Variants in CD244 observed in about 807,000 individuals in gnomAD.
The protein encoded by CD244 is CD244 molecule, also known as natural killer cell receptor 2B4.
Under a neutral mutation model 45.5 loss-of-function variants are expected in CD244, and 20 were observed. The observed-to-expected ratio is 0.44, with a 90% CI of 0.31 to 0.64. The LOEUF (loss-of-function observed/expected upper bound fraction) is 0.64. CD244 is among the 30% of genes least tolerant of loss of function. The pLI, the probability that CD244 is intolerant of heterozygous loss-of-function variation, is 0.08. For synonymous variants in CD244, 185 were observed against 160.5 expected, an observed-to-expected ratio of 1.15 and a Z score of -1.15; for missense variants, 407 against 426.9, an observed-to-expected ratio of 0.95 and a Z score of 0.41.
At chr1:160,851,644 T>A (rs1348941166) in intron 1 of CD244, among the ~76,000 whole-genome samples, 1 of 152,230 alleles carries the variant, frequency 6.6e-6, no homozygotes, top group Non-Finnish European at 1.5e-5. Context: ...AAATGTTTCC[T>A]TTTTTATTTT....
At chr1:160,852,795 G>C (rs1420472386) in intron 1 of CD244, among the ~76,000 whole-genome samples, 1 of 151,994 alleles carries the variant, frequency 6.6e-6, no homozygotes, top group African/African-American at 2.4e-5. Context: ...GGTCGAGGCA[G>C]GCGGATCACC....
At chr1:160,835,663 A>G (rs1669307708) in intron 6 of CD244, among the ~76,000 whole-genome samples, 1 of 152,210 alleles carries the variant, frequency 6.6e-6, no homozygotes, top group Admixed American at 6.5e-5. Flanking sequence ...CTGACTCATG[A>G]CACCAAATGC....
At chr1:160,860,567 T>A (rs1269807397) in intron 1 of CD244, among the ~76,000 whole-genome samples, 1 of 152,220 alleles carries the variant, frequency 6.6e-6, no homozygotes, top group Non-Finnish European at 1.5e-5. Flanking sequence ...AACATGAGAA[T>A]GTCTTTGTTC....
chr1:160,858,662 A>G (rs184278935), intron 1 of CD244, among the ~76,000 whole-genome samples: 182 of 152,314 alleles, frequency 1.2e-3, no homozygotes, highest in African/African-American at 4.3e-3. Flanking sequence ...CTCAACAAAC[A>G]TGTTTTGAAC....
chr1:160,856,331 C>T (rs1354764519), intron 1 of CD244, among the ~76,000 whole-genome samples: 1 of 152,162 alleles, frequency 6.6e-6, no homozygotes, highest in Non-Finnish European at 1.5e-5. Flanking sequence ...TCACCTAGCC[C>T]AAGTCCCACT....
At chr1:160,851,641 TC>T (rs2101887718) in intron 1 of CD244, among the ~76,000 whole-genome samples, 1 of 152,304 alleles carries the variant, frequency 6.6e-6, no homozygotes, top group Non-Finnish European at 1.5e-5. Context: ...GACAAATGTT[TC>T]CTTTTTTATT....
At chr1:160,836,138 G>T in intron 6 of CD244, 57 bp downstream of exon 6, 1 of 1,269,170 alleles carries the variant, frequency 7.9e-7, no homozygotes, top group African/African-American at 1.5e-5. Flanking sequence ...GTTTCAGGGG[G>T]GCATTAGGAA....
chr1:160,840,550 G>C (rs563238966), intron 3 of CD244, among the ~76,000 whole-genome samples: 1 of 152,274 alleles, frequency 6.6e-6, no homozygotes, highest in Admixed American at 6.5e-5. Context: ...GAGCCACTGC[G>C]CCCGGCCTGC....
intron 3 of CD244, among the ~76,000 whole-genome samples, chr1:160,840,844 T>C (rs1571096836): frequency 6.6e-6 from 1 of 152,208 alleles, no homozygotes; most frequent in East Asian, 1.9e-4. Flanking sequence ...TCTTGAACTA[T>C]GTGGCTTGGA....
rs1669410682 is a variant in CD244 at position 160,838,483 on chromosome 1, C to A, written c.802G>T (p.Asp268Tyr). 6.2e-7 allele frequency: 1 copy of A among 1,613,690 alleles called. No homozygotes were observed. The highest frequency in any genetic ancestry group is 1.7e-5 in the Admixed American group (1 of 60,000). Reference protein sequence around the residue: ...SPKEFLTIYEDVKDLKTRRNH... With the variant: ...SPKEFLTIYEYVKDLKTRRNH... Reference sequence around the variant, plus strand: ...CTCCTGGTTTTCAGATCCTTGACATCTTCGTAAATTGTCAAAAATTCCTTG... The same window carrying A: ...CTCCTGGTTTTCAGATCCTTGACATATTCGTAAATTGTCAAAAATTCCTTG... The change falls in exon 5 of 9, where the codon GAT becomes TAT. Residue 268 changes from aspartate to tyrosine, a missense_variant. Coordinates refer to ENST00000368034, the MANE Select transcript of CD244 (RefSeq NM_016382.4).
At chr1:160,857,112 C>T (rs1478276961) in intron 1 of CD244, among the ~76,000 whole-genome samples, 1 of 152,198 alleles carries the variant, frequency 6.6e-6, no homozygotes, top group Non-Finnish European at 1.5e-5. Flanking sequence ...AGCTGTAATT[C>T]CCTTGCCTTT....
intron 3 of CD244, among the ~76,000 whole-genome samples, chr1:160,839,787 G>A (rs1264005488): frequency 6.6e-6 from 1 of 152,154 alleles, no homozygotes; most frequent in Non-Finnish European, 1.5e-5. Flanking sequence ...CACAACAAAT[G>A]TTACATTTAT....
chr1:160,838,253 T>C (rs1669400424), intron 5 of CD244, among the ~76,000 whole-genome samples, 198 bp downstream of exon 5: 1 of 152,208 alleles, frequency 6.6e-6, no homozygotes, highest in Admixed American at 6.5e-5. Context: ...TTTCATCTCC[T>C]CTGCTCCTTT....
At chr1:160,850,911 G>A (rs1165552619) in intron 1 of CD244, among the ~76,000 whole-genome samples, 8 of 152,166 alleles carry the variant, frequency 5.3e-5, no homozygotes, top group Admixed American at 5.2e-4. Flanking sequence ...GCTATAAACT[G>A]GGTTTCCCGT....
chr1:160,848,438 C>A, intron 1 of CD244: 1 of 549,652 alleles, frequency 1.8e-6, no homozygotes, highest in East Asian at 4.8e-5. Flanking sequence ...CAGCATGGAG[C>A]CCTTTGGGTC....
chr1:160,856,940 C>A (rs756511999), intron 1 of CD244, among the ~76,000 whole-genome samples: 1 of 152,128 alleles, frequency 6.6e-6, no homozygotes, highest in Non-Finnish European at 1.5e-5. Context: ...AACTAATATG[C>A]AGAATAGACA....
intron 6 of CD244, among the ~76,000 whole-genome samples, chr1:160,835,890 G>C (rs1669315190): frequency 1.3e-5 from 2 of 152,174 alleles, no homozygotes; most frequent in African/African-American, 4.8e-5. Context: ...GCAGCAGCAG[G>C]GCAAGAAAGC....
intron 7 of CD244, 54 bp from the exon 8 acceptor site, chr1:160,832,629 T>A (rs1669166865): frequency 1.2e-6 from 2 of 1,606,018 alleles, no homozygotes; most frequent in Non-Finnish European, 8.5e-7. Context: ...GCTCTCCCAC[T>A]CCTAAGTGAT....
chr1:160,835,697 G>T (rs1339413082), intron 6 of CD244, among the ~76,000 whole-genome samples: 1 of 151,390 alleles, frequency 6.6e-6, no homozygotes, highest in East Asian at 1.9e-4. Flanking sequence ...AAAAACCTAT[G>T]GAAATAAAAA....
Sources: allele counts gnomAD v4.1 joint callset (sites outside exome capture counted in the v4.1 genomes callset), GRCh38; gene constraint gnomAD v4.1.1; transcripts MANE v1.5; gene names NCBI Gene and HGNC (gene_info 2026-07-23, HGNC 2026-07-21).